The following STX8 variants were observed in gnomAD, a reference collection of about 807,000 sequenced individuals.
The protein encoded by STX8 is syntaxin-8.
A neutral mutation model predicts 37.5 loss-of-function variants in STX8; 23 were observed. That is an observed-to-expected ratio of 0.61 (90% CI 0.44 to 0.87). The LOEUF is 0.87. Ranked by LOEUF, STX8 falls within the 40% of genes least tolerant of loss-of-function variation. The pLI is 0.00. For synonymous variants in STX8, 115 were observed against 99.1 expected, an observed-to-expected ratio of 1.16 and a Z score of -0.95; for missense variants, 313 against 284.7, an observed-to-expected ratio of 1.10 and a Z score of -0.71.
intron 7 of STX8, among the ~76,000 whole-genome samples, chr17:9,345,994 G>A (rs1323931400): frequency 6.6e-6 from 1 of 151,532 alleles, no homozygotes; most frequent in Non-Finnish European, 1.5e-5. Flanking sequence ...TGGAATTACA[G>A]GCACACGCCA....
chr17:9,254,786 A>G (rs1906724562), intron 7 of STX8, among the ~76,000 whole-genome samples: 1 of 152,130 alleles, frequency 6.6e-6, no homozygotes, highest in South Asian at 2.1e-4. Context: ...GTTCACCGCC[A>G]TATCCCCCGT....
intron 7 of STX8, among the ~76,000 whole-genome samples, chr17:9,320,028 A>C (rs1909522848): frequency 6.6e-6 from 1 of 151,824 alleles, no homozygotes; most frequent in African/African-American, 2.4e-5. Flanking sequence ...GATGTTTAAA[A>C]AATAAAAAAT....
intron 7 of STX8, among the ~76,000 whole-genome samples, chr17:9,313,791 C>T (rs566483568): frequency 6.6e-5 from 10 of 152,230 alleles, no homozygotes; most frequent in East Asian, 1.9e-4. Context: ...CCACCACACC[C>T]GGCTAATATT....
At chr17:9,536,902 C>T (rs1363189577) in intron 4 of STX8, among the ~76,000 whole-genome samples, 1 of 152,068 alleles carries the variant, frequency 6.6e-6, no homozygotes. Flanking sequence ...CGCCACCATG[C>T]CCGGCTAATT....
rs1016080642 is a variant in STX8, at chr17:9,380,579, AGTCATGT to A, written c.542-1933_542-1927del. On this transcript the variant is annotated intron_variant, in intron 6 of 7. Transcript: ENST00000306357. ...TGAATTTCTTACAGTGAGCCTATAT[AGTCATGT>A]GCCACATGACATTTCAGTCGATGAC... 1.8e-4 allele frequency among the ~76,000 whole-genome samples: 28 copies of A among 152,128 alleles called. No homozygotes were observed. In the South Asian group the frequency reaches 3.3e-3, roughly 18 times the overall value.
intron 5 of STX8, among the ~76,000 whole-genome samples, chr17:9,494,451 T>C (rs1907008136): frequency 6.6e-6 from 1 of 151,472 alleles, no homozygotes; most frequent in Admixed American, 6.6e-5. Flanking sequence ...CAACACTGTC[T>C]GTCTCTACTA....
intron 7 of STX8, among the ~76,000 whole-genome samples, chr17:9,345,469 C>G (rs1567792266): frequency 6.6e-6 from 1 of 152,038 alleles, no homozygotes; most frequent in Non-Finnish European, 1.5e-5. Context: ...ATTTTCTTTA[C>G]CTGGTTGCCA....
chr17:9,448,719 G>A (rs1904939509), intron 6 of STX8, among the ~76,000 whole-genome samples: 1 of 152,110 alleles, frequency 6.6e-6, no homozygotes, highest in Non-Finnish European at 1.5e-5. Context: ...GAGCTTGAGG[G>A]ACCCTAACGC....
intron 4 of STX8, among the ~76,000 whole-genome samples, chr17:9,515,596 C>T (rs975392514): frequency 1.9e-4 from 29 of 152,342 alleles, no homozygotes; most frequent in African/African-American, 7.0e-4. Flanking sequence ...AATCATCTCT[C>T]ACCACACCCT....
intron 7 of STX8, among the ~76,000 whole-genome samples, chr17:9,309,498 A>T (rs1251084178): frequency 6.6e-6 from 1 of 152,154 alleles, no homozygotes; most frequent in Non-Finnish European, 1.5e-5. Context: ...TTGGGGAAAA[A>T]GTCACACTCG....
chr17:9,422,411 C>T (rs1466005652), intron 6 of STX8, among the ~76,000 whole-genome samples: 1 of 152,162 alleles, frequency 6.6e-6, no homozygotes, highest in East Asian at 1.9e-4. Context: ...CTGGCCAAGG[C>T]CGTCTCAGGT....
chr17:9,392,949 G>A (rs1597643714), intron 6 of STX8, among the ~76,000 whole-genome samples: 1 of 152,112 alleles, frequency 6.6e-6, no homozygotes, highest in East Asian at 1.9e-4. Flanking sequence ...ACAAATAATG[G>A]TTGAAAGTTT....
intron 2 of STX8, among the ~76,000 whole-genome samples, chr17:9,568,082 A>G (rs1907529898): frequency 6.6e-6 from 1 of 152,220 alleles, no homozygotes; most frequent in South Asian, 2.1e-4. Context: ...CTTGGCCTGC[A>G]AAGACTAAAA....
intron 5 of STX8, among the ~76,000 whole-genome samples, chr17:9,495,138 C>T (rs990578781): frequency 5.3e-5 from 8 of 152,168 alleles, no homozygotes; most frequent in Non-Finnish European, 8.8e-5. Flanking sequence ...TTTAAACTAA[C>T]GGTGTGAGGT....
chr17:9,300,555 T>C (rs1039921916), intron 7 of STX8, among the ~76,000 whole-genome samples: 1 of 152,026 alleles, frequency 6.6e-6, no homozygotes, highest in Non-Finnish European at 1.5e-5. Flanking sequence ...CTATCGTGAA[T>C]GCAATCTGTT....
intron 7 of STX8, among the ~76,000 whole-genome samples, chr17:9,309,507 C>T (rs11078794): frequency 2.6e-5 from 4 of 152,118 alleles, no homozygotes; most frequent in African/African-American, 7.2e-5. Flanking sequence ...AAGTCACACT[C>T]GGAGGCCTTA....
chr17:9,500,399 C>T (rs769637720), intron 5 of STX8, among the ~76,000 whole-genome samples: 1 of 152,170 alleles, frequency 6.6e-6, no homozygotes, highest in Non-Finnish European at 1.5e-5. Context: ...CGGATTACTA[C>T]CTCATAAGAG....
chr17:9,474,258 C>A (rs1225323216), intron 6 of STX8, among the ~76,000 whole-genome samples: 6 of 152,104 alleles, frequency 3.9e-5, no homozygotes, highest in Admixed American at 3.9e-4. Context: ...ATTTGACTGT[C>A]CCCGAGTTGG....
rs529582626 is a variant in STX8 at position 9,412,281 on chromosome 17, AT to A, written c.542-33629del. On this transcript the variant is annotated intron_variant, in intron 6 of 7. Coordinates refer to ENST00000306357, the MANE Select transcript of STX8 (RefSeq NM_004853.3). The stretch of plus-strand genomic sequence containing the variant: ...TGACTTGTAACTAATCACAGCAGCA[AT>A]TTTTTTTTTTTTTTGAGACGGAGTT... Among the ~76,000 whole-genome samples, 481 of 144,092 alleles carry A rather than the reference AT, an allele frequency of 3.3e-3. 1 individual carries two copies. Among genetic ancestry groups the A allele is most frequent in the Non-Finnish European group, 3.6e-3 (234 of 65,284 alleles). The allele number at this position is 144,092 out of a possible 152,430, so 94.5% of individuals were successfully genotyped here.
Sources: gnomAD v4.1 joint callset for allele counts (sites outside exome capture counted in the v4.1 genomes callset) on GRCh38, gnomAD v4.1.1 for gene constraint, MANE v1.5 for transcripts, NCBI Gene and HGNC (gene_info 2026-07-23, HGNC 2026-07-21) for gene names.